The following CPE variants were observed in gnomAD, a reference collection of about 807,000 sequenced individuals.
CPE encodes carboxypeptidase E.
In CPE, 17 loss-of-function variants were observed where a neutral mutation model predicts 53.5. The observed-to-expected ratio is 0.32, with a 90% confidence interval of 0.22 to 0.48. The LOEUF is 0.48. CPE is among the 20% of genes least tolerant of loss of function. The pLI, the probability that CPE is intolerant of heterozygous loss-of-function variation, is 0.99. For missense variants in CPE, 524 were observed against 614.7 expected (o/e 0.85, Z 1.56); for synonymous variants, 226 against 228.8 (o/e 0.99, Z 0.11).
At chr4:165,469,873 A>T (rs544098254) in intron 3 of CPE, among the ~76,000 whole-genome samples, 35 of 152,310 alleles carry the variant, frequency 2.3e-4, no homozygotes, top group African/African-American at 8.4e-4. Flanking sequence ...GAATCCAGAC[A>T]AGTGTTCATC....
In CPE at chr4:165,379,425, G is replaced by C. The variant is rs1403722956; in HGVS notation, c.204G>C (p.Leu68=). The change falls in exon 1 of 9, where the codon CTG becomes CTC. Residue 68 remains leucine (L), a synonymous_variant. Transcript: ENST00000402744. This position sits in a 1 kb window ranked among gnomAD's most constrained non-coding sequence, Gnocchi z 6.0. ...GCGAGGCGCTCGTGTCCGTGTGGCTGCAGTGCACCGCCATCAGCAGGATTT... is the reference window on the plus strand; with the variant it reads ...GCGAGGCGCTCGTGTCCGTGTGGCTCCAGTGCACCGCCATCAGCAGGATTT... ...ELREALVSVW[L]QCTAISRIYT... is the part of the protein sequence containing the mutation. The C allele has an allele frequency of 2.5e-6, 4 of 1,610,096 alleles. No individual in the cohort carries two copies. The African/African-American group carries it at 5.3e-5, about 22-fold the overall frequency.
intron 1 of CPE, among the ~76,000 whole-genome samples, chr4:165,457,801 G>A (rs540278534): frequency 8.5e-5 from 13 of 152,178 alleles, no homozygotes; most frequent in African/African-American, 3.1e-4. Flanking sequence ...TTGTTCCTTT[G>A]CCTTTTCTTG....
At chr4:165,437,676 C>T (rs1450035785) in intron 1 of CPE, among the ~76,000 whole-genome samples, 1 of 152,138 alleles carries the variant, frequency 6.6e-6, no homozygotes, top group Non-Finnish European at 1.5e-5. Flanking sequence ...CTATGATATC[C>T]TCATGCATTG....
chr4:165,471,538 A>G (rs1732206739), intron 3 of CPE, among the ~76,000 whole-genome samples: 1 of 152,252 alleles, frequency 6.6e-6, no homozygotes. Context: ...CACAGCAAGA[A>G]TAATTATTTG....
Position 165,497,945 on chromosome 4 carries a change from T to C in CPE, c.*335T>C, listed in dbSNP as rs1732732811. 1.3e-5 allele frequency: 2 copies of C among 157,092 alleles called. No individual in the cohort carries two copies. Among genetic ancestry groups the C allele is most frequent in the Non-Finnish European group, 2.8e-5 (2 of 71,472 alleles). The allele number at this position is 157,092 out of a possible 1,614,324, so 9.7% of individuals were successfully genotyped here. On this transcript the variant is annotated 3_prime_UTR_variant, in exon 9 of 9. Transcript: ENST00000402744. ...TTTGAGTAATTCTAGCTTTCAAAAA[T>C]TAGTGAAGTTCTTTTACTGTAATTG...
rs1732723910 is a variant in CPE at position 165,497,619 on chromosome 4, CT to C, written c.*10del. The C allele has an allele frequency of 6.6e-7, 1 of 1,505,850 alleles. No homozygotes were observed. Among genetic ancestry groups the C allele is most frequent in the Non-Finnish European group, 9.0e-7 (1 of 1,112,546 alleles). 93.3% of individuals were successfully genotyped at this position (1,505,850 alleles called of 1,614,324 possible). On this transcript the variant is annotated 3_prime_UTR_variant, in exon 9 of 9. Transcript: ENST00000402744. ...AAACTTTAAATTTTTAAAAAGGCTT[CT>C]AGTTAGCTGCTTTAAATCTATCTAT...
chr4:165,422,921 G>A (rs1731249578), intron 1 of CPE, among the ~76,000 whole-genome samples: 2 of 144,398 alleles, frequency 1.4e-5, no homozygotes, highest in African/African-American at 5.2e-5. Flanking sequence ...AGCTTGCAGT[G>A]AGCCGAGATG....
At chr4:165,441,349 C>T (rs944018125) in intron 1 of CPE, among the ~76,000 whole-genome samples, 11 of 152,076 alleles carry the variant, frequency 7.2e-5, no homozygotes, top group Admixed American at 6.6e-4. Flanking sequence ...AGATTAATAG[C>T]ACTTGGTGGA....
intron 3 of CPE, among the ~76,000 whole-genome samples, chr4:165,475,696 A>G (rs564562548): frequency 1.3e-5 from 2 of 152,314 alleles, no homozygotes; most frequent in Middle Eastern, 6.8e-3. Flanking sequence ...GAAAAAGCAG[A>G]GGAAACCCCA....
chr4:165,445,264 T>C (rs901270923), intron 1 of CPE, among the ~76,000 whole-genome samples: 2 of 150,470 alleles, frequency 1.3e-5, no homozygotes, highest in African/African-American at 4.9e-5. Flanking sequence ...TCTAAAAATA[T>C]GTAAATTTAT....
intron 1 of CPE, among the ~76,000 whole-genome samples, chr4:165,432,579 A>G (rs1731432419): frequency 6.6e-6 from 1 of 152,146 alleles, no homozygotes; most frequent in African/African-American, 2.4e-5. Flanking sequence ...TATAGACATG[A>G]GCCACCATGC....
intron 1 of CPE, among the ~76,000 whole-genome samples, chr4:165,445,419 T>C (rs1357685155): frequency 6.6e-6 from 1 of 152,204 alleles, no homozygotes; most frequent in Non-Finnish European, 1.5e-5. Context: ...TTTTAGCTTT[T>C]AAAATTTCTA....
chr4:165,464,575 G>T lies in CPE; in HGVS notation c.493G>T (p.Ala165Ser). Residue 165 changes from alanine to serine, a missense_variant, in exon 2 of 9, where the codon GCA becomes TCA. By Grantham distance (99) the Ala-to-Ser change is moderately conservative (BLOSUM62 1). Coordinates refer to ENST00000402744, the MANE Select transcript of CPE (RefSeq NM_001873.4). The part of the protein sequence containing the change: ...PSLNPDGFEK[A>S]ASQPGELKDW... Reference sequence around the variant, plus strand: ...CCTGAACCCAGATGGCTTTGAGAAGGCAGCGTCTCAGGTGAGTGCCAGGCA... The same window carrying T: ...CCTGAACCCAGATGGCTTTGAGAAGTCAGCGTCTCAGGTGAGTGCCAGGCA... 6.2e-7 allele frequency: 1 copy of T among 1,610,410 alleles called. No individual in the cohort carries two copies.
chr4:165,429,589 C>T (rs1004697234), intron 1 of CPE, among the ~76,000 whole-genome samples: 3 of 151,760 alleles, frequency 2.0e-5, no homozygotes, highest in African/African-American at 7.3e-5. Context: ...GTAGTCCCAG[C>T]GACTCCAGAG....
At chr4:165,435,368 A>C (rs1348987244) in intron 1 of CPE, among the ~76,000 whole-genome samples, 4 of 152,218 alleles carry the variant, frequency 2.6e-5, no homozygotes, top group African/African-American at 9.6e-5. Context: ...TTTGGAAAAG[A>C]ATTCAGAGAA....
intron 1 of CPE, among the ~76,000 whole-genome samples, chr4:165,409,270 C>A (rs182753068): frequency 9.2e-5 from 14 of 151,912 alleles, no homozygotes; most frequent in African/African-American, 3.1e-4. Context: ...ATGGTGTGAT[C>A]TCGGCTCACT....
intron 2 of CPE, among the ~76,000 whole-genome samples, chr4:165,465,677 ATGAAGAG>A (rs1177291804): frequency 1.3e-5 from 2 of 152,140 alleles, no homozygotes; most frequent in Non-Finnish European, 2.9e-5. Flanking sequence ...CATTAGTTAA[ATGAAGAG>A]TTTAAACGGG....
chr4:165,478,490 G>A (rs1244401524), intron 3 of CPE, among the ~76,000 whole-genome samples: 1 of 152,174 alleles, frequency 6.6e-6, no homozygotes, highest in African/African-American at 2.4e-5. Context: ...ACAACTTTGT[G>A]TATTTAGGGC....
intron 1 of CPE, chr4:165,404,494 C>T: frequency 1.3e-6 from 1 of 792,486 alleles, no homozygotes; most frequent in South Asian, 1.3e-5. Flanking sequence ...TGGACACCAT[C>T]TATGTCAGTA....
Sources: gnomAD v4.1 joint callset for allele counts (sites outside exome capture counted in the v4.1 genomes callset) on GRCh38, gnomAD v4.1.1 for gene constraint, Gnocchi (gnomAD v3.1) non-coding constraint, MANE v1.5 for transcripts, NCBI Gene and HGNC (gene_info 2026-07-23, HGNC 2026-07-21) for gene names.